The following ESRRG variants were observed in gnomAD, a reference collection of about 807,000 sequenced individuals.
The protein encoded by ESRRG is estrogen-related receptor gamma.
A neutral mutation model predicts 44.0 loss-of-function variants in ESRRG; 13 were observed. The ratio of observed to expected loss-of-function variants is 0.30; its 90% CI spans 0.19 to 0.47. The LOEUF (loss-of-function observed/expected upper bound fraction) is 0.47. Among genes scored for constraint, ESRRG ranks in the 20% least tolerant of loss-of-function variants. The pLI, the probability that ESRRG is intolerant of heterozygous loss-of-function variation, is 1.00. For synonymous variants in ESRRG, 215 were observed against 214.6 expected, an observed-to-expected ratio of 1.00 and a Z score of -0.02; for missense variants, 395 against 580.6, an observed-to-expected ratio of 0.68 and a Z score of 3.29.
intron 2 of ESRRG, among the ~76,000 whole-genome samples, chr1:216,800,991 A>G (rs1441152411): frequency 6.6e-6 from 1 of 152,062 alleles, no homozygotes; most frequent in Non-Finnish European, 1.5e-5. Context: ...TCTTTTTTTA[A>G]TGTTATTGTG....
At chr1:217,058,204 G>A (rs1047734862) in intron 1 of ESRRG, among the ~76,000 whole-genome samples, 10 of 152,062 alleles carry the variant, frequency 6.6e-5, no homozygotes, top group Non-Finnish European at 1.2e-4. Flanking sequence ...ATAGTATAAA[G>A]AAAATTAAAC....
intron 3 of ESRRG, among the ~76,000 whole-genome samples, chr1:216,647,411 C>T (rs917590924): frequency 2.6e-5 from 4 of 152,146 alleles, no homozygotes; most frequent in Non-Finnish European, 4.4e-5. Context: ...TTTTACTGTA[C>T]TTCTCAAAGT....
intron 1 of ESRRG, among the ~76,000 whole-genome samples, chr1:216,705,965 T>C (rs904846769): frequency 7.9e-5 from 12 of 152,108 alleles, no homozygotes; most frequent in African/African-American, 2.9e-4. Flanking sequence ...GGTGTGTAGT[T>C]TGGGGGTGGG....
chr1:217,020,455 C>T (rs1302188519), intron 1 of ESRRG, among the ~76,000 whole-genome samples: 1 of 152,158 alleles, frequency 6.6e-6, no homozygotes, highest in African/African-American at 2.4e-5. Flanking sequence ...CAAGTTCACA[C>T]ATTCTAATAT....
chr1:216,914,839 CA>C lies in ESRRG; in HGVS notation c.-14+24742del, dbSNP rs200432354. On this transcript the variant is annotated intron_variant, in intron 2 of 7. Coordinates refer to the ESRRG transcript ENST00000359162. ...TGTCTGGGCGGAGGACAGAGGGATT[CA>C]AAAGACAGACAGGCAACAGGAAACA... 6.9e-3 allele frequency among the ~76,000 whole-genome samples: 1,055 copies of C among 152,270 alleles called. 20 individuals are homozygous for C. Among genetic ancestry groups the C allele is most frequent in the East Asian group, 0.054 (277 of 5,174 alleles).
chr1:216,826,812 G>C (rs548316062), intron 2 of ESRRG, among the ~76,000 whole-genome samples: 5 of 152,282 alleles, frequency 3.3e-5, no homozygotes, highest in African/African-American at 1.2e-4. Context: ...GGTTCAGAAA[G>C]GAATCTGAAA....
At chr1:216,632,420 C>G (rs2064388312) in intron 3 of ESRRG, among the ~76,000 whole-genome samples, 1 of 152,162 alleles carries the variant, frequency 6.6e-6, no homozygotes, top group Non-Finnish European at 1.5e-5. Flanking sequence ...AGTTATATCT[C>G]ATTTGAGTTG....
chr1:216,714,668 T>C, intron 1 of ESRRG: 1 of 527,434 alleles, frequency 1.9e-6, no homozygotes, highest in Non-Finnish European at 2.4e-6. Context: ...AAAATACAAT[T>C]TGAGTTTTTA....
At chr1:217,060,805 T>C (rs970405219) in intron 1 of ESRRG, among the ~76,000 whole-genome samples, 30 of 57,852 alleles carry the variant, frequency 5.2e-4, no homozygotes, top group Admixed American at 2.9e-3. Flanking sequence ...GATAGATAGA[T>C]AGATAGATAG....
intron 1 of ESRRG, among the ~76,000 whole-genome samples, chr1:217,133,636 TCTC>T (rs1558298161): frequency 7.4e-5 from 4 of 53,898 alleles, no homozygotes; most frequent in African/African-American, 4.3e-4. Flanking sequence ...TTTCTTTCTC[TCTC>T]TCTCTCTCTT....
intron 1 of ESRRG, among the ~76,000 whole-genome samples, chr1:216,692,031 T>A (rs938949981): frequency 3.3e-5 from 5 of 152,212 alleles, no homozygotes; most frequent in Admixed American, 2.6e-4. Context: ...CTGATAATGA[T>A]AATAGATTAC....
At chr1:216,774,365 T>C (rs2093509591) in intron 2 of ESRRG, among the ~76,000 whole-genome samples, 1 of 152,120 alleles carries the variant, frequency 6.6e-6, no homozygotes, top group Non-Finnish European at 1.5e-5. Flanking sequence ...ATGTCATGGA[T>C]GTGAAAGCAC....
At chr1:216,589,434 C>G (rs533296850) in intron 3 of ESRRG, among the ~76,000 whole-genome samples, 5 of 152,194 alleles carry the variant, frequency 3.3e-5, no homozygotes, top group African/African-American at 1.2e-4. Flanking sequence ...TGGTCCAAGA[C>G]AATTCTTCTT....
chr1:216,514,812 T>C (rs17042702), intron 6 of ESRRG, among the ~76,000 whole-genome samples: 11,934 of 152,156 alleles, frequency 0.078, 1,559 homozygotes, highest in African/African-American at 0.27. Context: ...TAAGATTCCC[T>C]AGAAGAAGCT....
In ESRRG at chr1:216,914,911, GA is replaced by G. The variant is rs1470808166; in HGVS notation, c.-14+24670del. 5.3e-5 allele frequency among the ~76,000 whole-genome samples: 8 copies of G among 152,302 alleles called. No homozygotes were observed. The South Asian group carries it at 1.5e-3, about 28-fold the overall frequency. ...ACTCCATCCAGAAGTCTCAGGCTCTGAAAAAATGTTCACAGCACAGGAGGGA... is the reference window on the plus strand; with the variant it reads ...ACTCCATCCAGAAGTCTCAGGCTCTGAAAAATGTTCACAGCACAGGAGGGA... On this transcript the variant is annotated intron_variant, in intron 2 of 7. Coordinates refer to the ESRRG transcript ENST00000359162.
In ESRRG at chr1:216,808,037, A is replaced by G. The variant is rs186792574; in HGVS notation, c.-13-130546T>C. On this transcript the variant is annotated intron_variant, in intron 2 of 7. Transcript: ENST00000359162. ...TGGAATCAAAAGGTCTTAGAACCCT[A>G]TAGTTGAGTGAAATCTTAGAGACAT... 5.9e-5 allele frequency among the ~76,000 whole-genome samples: 9 copies of G among 152,260 alleles called. No individual in the cohort carries two copies. In the East Asian group the frequency reaches 1.7e-3, roughly 29 times the overall value.
intron 1 of ESRRG, among the ~76,000 whole-genome samples, chr1:217,073,630 C>G (rs2090889595): frequency 6.6e-6 from 1 of 152,064 alleles, no homozygotes; most frequent in African/African-American, 2.4e-5. Context: ...GGTCTCCTGT[C>G]CCTCTTTTTT....
chr1:216,651,661 G>A (rs149348388), intron 2 of ESRRG, among the ~76,000 whole-genome samples: 48 of 152,204 alleles, frequency 3.2e-4, no homozygotes, highest in African/African-American at 1.2e-3. Flanking sequence ...TCTGTGCTTG[G>A]TAAATGCTTA....
intron 2 of ESRRG, among the ~76,000 whole-genome samples, chr1:216,787,068 A>C (rs2094150782): frequency 6.6e-6 from 1 of 152,066 alleles, no homozygotes; most frequent in Non-Finnish European, 1.5e-5. Context: ...TCTCTGTGTC[A>C]CATTTTTGTC....
Sources: allele counts gnomAD v4.1 joint callset (sites outside exome capture counted in the v4.1 genomes callset), GRCh38; gene constraint gnomAD v4.1.1; transcripts MANE v1.5; gene names NCBI Gene and HGNC (gene_info 2026-07-23, HGNC 2026-07-21).